SORCS2: variants seen among roughly 807,000 people sequenced by gnomAD.
The protein encoded by SORCS2 is sortilin related VPS10 domain containing receptor 2, also known as VPS10 domain-containing receptor SorCS2.
SORCS2 carries 100 observed loss-of-function variants against 141.6 expected under a neutral mutation model. That is an observed-to-expected ratio of 0.71 (90% confidence interval 0.60 to 0.83). The LOEUF is 0.83. SORCS2 is among the 40% of genes least tolerant of loss of function. SORCS2 has a pLI of 0.00. For synonymous variants in SORCS2, 789 were observed against 676.9 expected, an observed-to-expected ratio of 1.17 and a Z score of -2.57; for missense variants, 1,646 against 1,560.2, an observed-to-expected ratio of 1.05 and a Z score of -0.93.
rs758161239 is a variant in SORCS2 at position 7,734,289 on chromosome 4, G to C, written c.3226G>C (p.Gly1076Arg). 6.2e-7 allele frequency: 1 copy of C among 1,602,002 alleles called. No individual in the cohort carries two copies. Among genetic ancestry groups the C allele is most frequent in the Non-Finnish European group, 8.5e-7 (1 of 1,175,388 alleles). Residue 1076 changes from glycine to arginine, a missense_variant, in exon 25 of 27, where the codon GGC becomes CGC. By Grantham distance (125) the Gly-to-Arg change is moderately radical (BLOSUM62 -2). Transcript: ENST00000507866. Reference protein sequence around the residue: ...DTGTGAEQLGGGGGYWAVVVL... With the variant: ...DTGTGAEQLGRGGGYWAVVVL... Reference sequence around the variant, plus strand: ...GCTTGCAGGTGCTGAGCAGCTGGGCGGCGGTGGCGGCTACTGGGCGGTAGT... The same window carrying C: ...GCTTGCAGGTGCTGAGCAGCTGGGCCGCGGTGGCGGCTACTGGGCGGTAGT...
chr4:7,324,719 C>T (rs1157804664), intron 1 of SORCS2, among the ~76,000 whole-genome samples: 1 of 152,246 alleles, frequency 6.6e-6, no homozygotes, highest in Non-Finnish European at 1.5e-5. Flanking sequence ...AAAAACTCCA[C>T]CTTGAGTCCC....
chr4:7,495,227 C>T (rs1232247988), intron 2 of SORCS2, among the ~76,000 whole-genome samples: 5 of 152,230 alleles, frequency 3.3e-5, no homozygotes, highest in Admixed American at 6.5e-5. Flanking sequence ...AGAACTCTGC[C>T]TCCCCTTGGA....
At chr4:7,724,627 ATGGTGG>A (rs765534091) in intron 19 of SORCS2, among the ~76,000 whole-genome samples, 1 of 67,824 alleles carries the variant, frequency 1.5e-5, no homozygotes, top group Non-Finnish European at 3.1e-5. Flanking sequence ...GAGGATGGTG[ATGGTGG>A]TGATGGTGGA....
intron 1 of SORCS2, among the ~76,000 whole-genome samples, chr4:7,278,802 CAGGTGCAGATAA>C (rs1286207261): frequency 6.6e-6 from 1 of 152,210 alleles, no homozygotes; most frequent in East Asian, 1.9e-4. Context: ...AGTTGGGATG[CAGGTGCAGATAA>C]AGGAGACCCC....
intron 2 of SORCS2, among the ~76,000 whole-genome samples, chr4:7,403,952 T>C (rs1168408422): frequency 8.2e-6 from 1 of 122,396 alleles, no homozygotes; most frequent in Non-Finnish European, 1.7e-5. Context: ...TTTCTCTGCC[T>C]CCATGTGTGT....
intron 2 of SORCS2, among the ~76,000 whole-genome samples, chr4:7,467,450 C>G (rs1729685299): frequency 6.6e-6 from 1 of 152,218 alleles, no homozygotes; most frequent in Admixed American, 6.5e-5. Flanking sequence ...CTTGTCCTCA[C>G]AGCTCTCATC....
intron 1 of SORCS2, among the ~76,000 whole-genome samples, chr4:7,320,487 C>T (rs964332828): frequency 2.0e-5 from 3 of 152,240 alleles, no homozygotes; most frequent in African/African-American, 7.2e-5. Flanking sequence ...GGAAGATTCA[C>T]ATTTGACATT....
intron 1 of SORCS2, among the ~76,000 whole-genome samples, chr4:7,256,929 T>G (rs1441031225): frequency 1.3e-5 from 2 of 152,078 alleles, no homozygotes; most frequent in Non-Finnish European, 2.9e-5. Context: ...AGCCACCCAT[T>G]CCTAGCATCC....
chr4:7,222,659 C>T (rs930960504), intron 1 of SORCS2, among the ~76,000 whole-genome samples: 1 of 152,068 alleles, frequency 6.6e-6, no homozygotes, highest in African/African-American at 2.4e-5. Flanking sequence ...GCGGCCGGGG[C>T]AGAGGGCTGG....
intron 2 of SORCS2, among the ~76,000 whole-genome samples, chr4:7,472,683 G>A (rs1029336794): frequency 6.6e-6 from 1 of 152,162 alleles, no homozygotes; most frequent in Non-Finnish European, 1.5e-5. Flanking sequence ...GTGGGAGGCG[G>A]CAAGGGGATC....
chr4:7,703,022 C>T (rs1243807722), intron 12 of SORCS2, among the ~76,000 whole-genome samples: 1 of 152,240 alleles, frequency 6.6e-6, no homozygotes, highest in Non-Finnish European at 1.5e-5. Flanking sequence ...GTGCTGTGCT[C>T]ATTTGCAGTT....
intron 3 of SORCS2, among the ~76,000 whole-genome samples, chr4:7,621,352 A>G (rs1217420445): frequency 6.7e-6 from 1 of 149,664 alleles, no homozygotes; most frequent in Non-Finnish European, 1.5e-5. Context: ...GTGTGTGTCT[A>G]TGTGTGAGTG....
chr4:7,555,207 C>G (rs1178387758), intron 3 of SORCS2, among the ~76,000 whole-genome samples: 6 of 152,244 alleles, frequency 3.9e-5, no homozygotes, highest in African/African-American at 7.2e-5. Flanking sequence ...TCCAGAACCT[C>G]TGGCTGTGTG....
At chr4:7,228,272 C>G (rs562301953) in intron 1 of SORCS2, among the ~76,000 whole-genome samples, 6 of 148,394 alleles carry the variant, frequency 4.0e-5, no homozygotes, top group Non-Finnish European at 8.8e-5. Flanking sequence ...CCCATTCTGA[C>G]CACCTTCTTT....
chr4:7,292,176 T>TC (rs775763635), intron 1 of SORCS2, among the ~76,000 whole-genome samples: 2 of 150,662 alleles, frequency 1.3e-5, no homozygotes, highest in Non-Finnish European at 3.0e-5. Flanking sequence ...CCAAGGAGGC[T>TC]CCCCCCACCA....
At chr4:7,497,224 A>G (rs930767299) in intron 2 of SORCS2, among the ~76,000 whole-genome samples, 4 of 152,238 alleles carry the variant, frequency 2.6e-5, no homozygotes, top group Non-Finnish European at 5.9e-5. Context: ...CTAAAGAGAA[A>G]GGAACGTGTC....
chr4:7,470,597 A>G (rs1335670298), intron 2 of SORCS2, among the ~76,000 whole-genome samples: 1 of 151,878 alleles, frequency 6.6e-6, no homozygotes, highest in Admixed American at 6.5e-5. Context: ...GGTCTGGGCG[A>G]TGCTTGGAGA....
At chr4:7,412,280 C>G (rs1410506123) in intron 2 of SORCS2, among the ~76,000 whole-genome samples, 1 of 152,220 alleles carries the variant, frequency 6.6e-6, no homozygotes, top group East Asian at 1.9e-4. Context: ...ATGGCCACCC[C>G]CTGGAGTTAG....
At position 7,193,777 on chromosome 4, in the gene SORCS2, C is replaced by T. The variant is rs1485556223; in HGVS notation, c.480+651C>T. Among the ~76,000 whole-genome samples, 1 of 152,178 alleles carries T rather than the reference C, an allele frequency of 6.6e-6. No individual in the cohort carries two copies. The highest frequency in any genetic ancestry group is 2.4e-5 in the African/African-American group (1 of 41,442). ...GTTCATACCCACACTGTGCTGGAGA[C>T]CTGTGTGGCGCTGGCACAGCAAACT... On this transcript the variant is annotated intron_variant, in intron 1 of 26. Coordinates refer to ENST00000507866, the MANE Select transcript of SORCS2 (RefSeq NM_020777.3). The surrounding 1 kb of genome is among the most constrained non-coding windows in gnomAD (Gnocchi z 4.8).
Sources: allele counts gnomAD v4.1 joint callset (sites outside exome capture counted in the v4.1 genomes callset), GRCh38; gene constraint gnomAD v4.1.1; non-coding constraint Gnocchi (gnomAD v3.1); transcripts MANE v1.5; gene names NCBI Gene and HGNC (gene_info 2026-07-23, HGNC 2026-07-21).